C4orf36: variants seen among roughly 807,000 people sequenced by gnomAD.
The protein encoded by C4orf36 is chromosome 4 open reading frame 36.
C4orf36 carries 11 observed loss-of-function variants against 12.2 expected under a neutral mutation model. The observed-to-expected ratio is 0.90, with a 90% CI of 0.57 to 1.49. The LOEUF (loss-of-function observed/expected upper bound fraction) is 1.49, where lower values mean the gene tolerates loss of function less well. C4orf36 is among the 40% of genes most tolerant of loss of function. The probability of loss-of-function intolerance (pLI) is 0.00; values close to 1 mark genes in which losing one functional copy is unlikely to be tolerated. For synonymous variants in C4orf36, 54 were observed against 51.3 expected, an observed-to-expected ratio of 1.05 and a Z score of -0.22; for missense variants, 137 against 133.9, an observed-to-expected ratio of 1.02 and a Z score of -0.11.
upstream of C4orf36, among the ~76,000 whole-genome samples, chr4:86,893,129 A>G (rs1297075826): frequency 1.3e-5 from 2 of 152,220 alleles, no homozygotes; most frequent in African/African-American, 4.8e-5. Context: ...ATAAATGCCT[A>G]ATTGATTGTG....
chr4:86,920,699 T>C, the C4orf36 span, among the ~76,000 whole-genome samples: 1 of 152,204 alleles, frequency 6.6e-6, no homozygotes, highest in Non-Finnish European at 1.5e-5. Flanking sequence ...TTCACTTCTA[T>C]AACCAAACCA....
chr4:86,901,888 G>T, the C4orf36 span, among the ~76,000 whole-genome samples: 1,379 of 152,284 alleles, frequency 9.1e-3, 13 homozygotes, highest in Middle Eastern at 0.044. Context: ...TGCTATACAT[G>T]TGAATGTGAC....
chr4:86,892,142 G>A, intron 1 of C4orf36, 41 bp downstream of exon 1: 1 of 985,678 alleles, frequency 1.0e-6, no homozygotes, highest in Non-Finnish European at 1.2e-6. Context: ...CACAGAGCCC[G>A]CGGAGAAGGG....
At chr4:86,914,281 C>G in the C4orf36 span, 12 of 1,602,114 alleles carry the variant, frequency 7.5e-6, no homozygotes, top group Non-Finnish European at 1.0e-5. Context: ...TGGTCTGCCC[C>G]ACAAGTGACG....
intron 4 of C4orf36, among the ~76,000 whole-genome samples, chr4:86,883,297 G>GC (rs1359550974): frequency 2.0e-5 from 3 of 152,182 alleles, no homozygotes; most frequent in Non-Finnish European, 4.4e-5. Context: ...ATCAGGATTT[G>GC]CCATAGGTAC....
chr4:86,903,582 G>A, the C4orf36 span, among the ~76,000 whole-genome samples: 3 of 152,160 alleles, frequency 2.0e-5, no homozygotes, highest in African/African-American at 2.4e-5. Flanking sequence ...CCTAAAGGTG[G>A]CGCAGGCCCA....
chr4:86,876,533 G>A (rs1167483718), intron 4 of C4orf36, 90 bp from the exon 5 acceptor site: 1 of 1,613,794 alleles, frequency 6.2e-7, no homozygotes, highest in Non-Finnish European at 8.5e-7. Flanking sequence ...CGGATTGTGT[G>A]AAGCTATTGT....
the C4orf36 span, among the ~76,000 whole-genome samples, chr4:86,905,936 G>A: frequency 6.6e-6 from 1 of 152,098 alleles, no homozygotes; most frequent in Admixed American, 6.6e-5. Context: ...GGCCAGACTA[G>A]TCTTGAACTC....
the C4orf36 span, among the ~76,000 whole-genome samples, chr4:86,917,558 AGAGAGT>A: frequency 5.9e-5 from 3 of 50,974 alleles, no homozygotes; most frequent in Admixed American, 2.4e-4. Context: ...AGGAAGGAAG[AGAGAGT>A]GAGGGAGGGA....
chr4:86,915,728 G>A, the C4orf36 span, among the ~76,000 whole-genome samples: 9 of 152,088 alleles, frequency 5.9e-5, no homozygotes, highest in Middle Eastern at 3.2e-3. Flanking sequence ...CGGAGGTTGC[G>A]GTGAGCCAAG....
At chr4:86,877,007 A>G (rs1211115649) in intron 4 of C4orf36, among the ~76,000 whole-genome samples, 4 of 152,218 alleles carry the variant, frequency 2.6e-5, no homozygotes, top group Admixed American at 1.3e-4. Flanking sequence ...AATTATTGGA[A>G]GTATTATCCC....
the C4orf36 span, among the ~76,000 whole-genome samples, chr4:86,902,841 G>A: frequency 6.6e-6 from 1 of 152,086 alleles, no homozygotes; most frequent in South Asian, 2.1e-4. Context: ...TCTATTGTTA[G>A]AATTTGAGCT....
chr4:86,917,628 GAA>G, the C4orf36 span, among the ~76,000 whole-genome samples: 5 of 150,034 alleles, frequency 3.3e-5, no homozygotes, highest in East Asian at 5.9e-4. Context: ...GGGAAGAAGA[GAA>G]AGAGAAAGGA....
the C4orf36 span, among the ~76,000 whole-genome samples, chr4:86,910,705 C>A: frequency 6.6e-6 from 1 of 152,124 alleles, no homozygotes; most frequent in African/African-American, 2.4e-5. Flanking sequence ...AAAGGGAAAT[C>A]GGTCCATGGC....
chr4:86,891,137 T>C (rs1198960349), intron 2 of C4orf36, among the ~76,000 whole-genome samples: 1 of 152,074 alleles, frequency 6.6e-6, no homozygotes, highest in Non-Finnish European at 1.5e-5. Context: ...AAGCAGAAAA[T>C]GCTGTCTTGG....
intron 1 of C4orf36, 59 bp downstream of exon 1, chr4:86,892,124 C>T: frequency 1.0e-6 from 1 of 985,590 alleles, no homozygotes; most frequent in Non-Finnish European, 1.2e-6. Flanking sequence ...GTGGGGGCCT[C>T]GGCCGCCCAC....
At chr4:86,881,051 G>C (rs552994048) in intron 4 of C4orf36, among the ~76,000 whole-genome samples, 1 of 148,890 alleles carries the variant, frequency 6.7e-6, no homozygotes, top group African/African-American at 2.5e-5. Flanking sequence ...AAAAAAAAAG[G>C]TTTCTCTATC....
the C4orf36 span, chr4:86,913,383 G>T: frequency 1.3e-6 from 1 of 789,748 alleles, no homozygotes; most frequent in Admixed American, 1.8e-5. Flanking sequence ...AGACTTGAGT[G>T]ATGCTATTCG....
At chr4:86,912,178 T>TA in the C4orf36 span, among the ~76,000 whole-genome samples, 1 of 152,022 alleles carries the variant, frequency 6.6e-6, no homozygotes, top group African/African-American at 2.4e-5. Flanking sequence ...CTCAGCCATT[T>TA]AAAAAAACAA....
Sources: allele counts gnomAD v4.1 joint callset (sites outside exome capture counted in the v4.1 genomes callset), GRCh38; gene constraint gnomAD v4.1.1; transcripts MANE v1.5; gene names NCBI Gene and HGNC (gene_info 2026-07-23, HGNC 2026-07-21).